The following PLA2G15 variants were observed in gnomAD, a reference collection of about 807,000 sequenced individuals.
PLA2G15 encodes the protein lysosomal phospholipase A and acyltransferase.
In PLA2G15, 20 loss-of-function variants were observed where a neutral mutation model predicts 40.9. The ratio of observed to expected loss-of-function variants is 0.49; its 90% CI spans 0.34 to 0.71. The LOEUF is 0.71. PLA2G15 is among the 30% of genes least tolerant of loss of function. The pLI, the probability that PLA2G15 is intolerant of heterozygous loss-of-function variation, is 0.01. For missense variants in PLA2G15, 471 were observed against 541.9 expected, an observed-to-expected ratio of 0.87 and a Z score of 1.30; for synonymous variants, 223 against 228.2, an observed-to-expected ratio of 0.98 and a Z score of 0.21.
At position 68,255,687 on chromosome 16, in the gene PLA2G15, G is replaced by A. The variant is rs763458324; in HGVS notation, c.503-79G>A. Reference sequence around the variant, plus strand: ...CACCCTCCCCTCCCCCTCTCGTCTTGTGTCTGGCCTGAGAAAAGCTCAGTG... The same window carrying A: ...CACCCTCCCCTCCCCCTCTCGTCTTATGTCTGGCCTGAGAAAAGCTCAGTG... On this transcript the variant is annotated intron_variant, in intron 4 of 5. Coordinates refer to ENST00000219345, the MANE Select transcript of PLA2G15 (RefSeq NM_012320.4). The surrounding 1 kb of genome is among the most constrained non-coding windows in gnomAD (Gnocchi z 5.9). 3.3e-6 allele frequency: 4 copies of A among 1,216,254 alleles called. No homozygotes were observed. The highest frequency in any genetic ancestry group is 4.9e-6 in the Non-Finnish European group (4 of 821,938). 75.3% of individuals were successfully genotyped at this position (1,216,254 alleles called of 1,614,324 possible).
intron 2 of PLA2G15, among the ~76,000 whole-genome samples, chr16:68,253,785 G>T (rs538412026): frequency 6.0e-5 from 9 of 150,684 alleles, no homozygotes; most frequent in Non-Finnish European, 1.3e-4. Context: ...AATATCCCAG[G>T]TGCAAGTCAT....
chr16:68,249,901 A>G (rs1426573683), intron 2 of PLA2G15, among the ~76,000 whole-genome samples: 3 of 151,928 alleles, frequency 2.0e-5, no homozygotes, highest in Non-Finnish European at 4.4e-5. Flanking sequence ...GCTGGTCTTG[A>G]ACTCCTGAGC....
chr16:68,253,853 C>G (rs891292095), intron 2 of PLA2G15, among the ~76,000 whole-genome samples: 1 of 152,076 alleles, frequency 6.6e-6, no homozygotes, highest in African/African-American at 2.4e-5. Context: ...CCATGCCTGG[C>G]TAATTTTTTA....
At chr16:68,250,431 C>T (rs907014812) in intron 2 of PLA2G15, 4 of 218,372 alleles carry the variant, frequency 1.8e-5, no homozygotes, top group South Asian at 8.8e-5. Flanking sequence ...CCACAGTGCC[C>T]GGCTAATTTT....
chr16:68,256,282 C>G, intron 5 of PLA2G15: 1 of 335,984 alleles, frequency 3.0e-6, no homozygotes, highest in Non-Finnish European at 5.5e-6. Context: ...AGCTTATATT[C>G]TGTAGGGAAA....
chr16:68,255,591 T>A lies in PLA2G15; in HGVS notation c.503-175T>A. 1.5e-6 allele frequency: 1 copy of A among 654,870 alleles called. No homozygotes were observed. Among genetic ancestry groups the A allele is most frequent in the Non-Finnish European group, 2.7e-6 (1 of 373,848 alleles). 40.6% of individuals were successfully genotyped at this position (654,870 alleles called of 1,614,324 possible). A position where few individuals can be genotyped will look rare whatever the true frequency, so the allele number is the denominator to read the frequency against. ...CTGGGACCTCTGGGCCTGTGAGCCC[T>A]GGGGAGAAATATAAGGCTTCCTCCC... On this transcript the variant is annotated intron_variant, in intron 4 of 5. Transcript: ENST00000219345. The surrounding 1 kb of genome is among the most constrained non-coding windows in gnomAD (Gnocchi z 5.9).
chr16:68,255,735 C>T lies in PLA2G15; in HGVS notation c.503-31C>T. On this transcript the variant is annotated intron_variant, in intron 4 of 5. Coordinates refer to ENST00000219345, the MANE Select transcript of PLA2G15 (RefSeq NM_012320.4). This position sits in a 1 kb window ranked among gnomAD's most constrained non-coding sequence, Gnocchi z 5.9. The stretch of plus-strand genomic sequence containing the variant: ...GTGGTTCCGGCTCCAGGACCCTTCC[C>T]ACCTGACCCCTGCCTGGCTCTGGCC... The T allele has an allele frequency of 3.1e-6, 5 of 1,588,276 alleles. No homozygotes were observed. The highest frequency in any genetic ancestry group is 4.3e-6 in the Non-Finnish European group (5 of 1,156,522).
In PLA2G15 at chr16:68,245,449, A is replaced by G; in HGVS notation, c.23A>G (p.Tyr8Cys). Reference sequence around the variant, plus strand: ...ACCATGGGCCTCCACCTCCGCCCCTACCGTGTGGGGCTGCTCCCGGATGGC... The same window carrying G: ...ACCATGGGCCTCCACCTCCGCCCCTGCCGTGTGGGGCTGCTCCCGGATGGC... MGLHLRP[Y>C]RVGLLPDGLL... The change falls in exon 1 of 6, where the codon TAC (tyrosine) becomes TGC (cysteine). Residue 8 changes from tyrosine to cysteine, a missense_variant. Transcript: ENST00000219345. 1 of 1,605,624 alleles carries G rather than the reference A, an allele frequency of 6.2e-7. No homozygotes were observed. The highest frequency in any genetic ancestry group is 8.5e-7 in the Non-Finnish European group (1 of 1,179,672).
At chr16:68,247,961 A>G (rs1352026955) in intron 1 of PLA2G15, among the ~76,000 whole-genome samples, 2 of 152,204 alleles carry the variant, frequency 1.3e-5, no homozygotes, top group Non-Finnish European at 2.9e-5. Context: ...TTTGGGTGTC[A>G]CCAGGGCCCC....
At chr16:68,253,986 G>GC (rs1414136882) in intron 2 of PLA2G15, among the ~76,000 whole-genome samples, 1 of 152,114 alleles carries the variant, frequency 6.6e-6, no homozygotes, top group African/African-American at 2.4e-5. Flanking sequence ...ACTGCACCCG[G>GC]CCCCTGTCTG....
At position 68,249,396 on chromosome 16, in the gene PLA2G15, C is replaced by G. The variant is rs2042335817; in HGVS notation, c.234C>G (p.Asn78Lys). 2 of 1,614,152 alleles carry G rather than the reference C, an allele frequency of 1.2e-6. No individual in the cohort carries two copies. The highest frequency in any genetic ancestry group is 1.6e-4 in the Middle Eastern group (1 of 6,062). The change falls in exon 2 of 6, where the codon AAC (asparagine) becomes AAG (lysine). Residue 78 changes from asparagine (N) to lysine (K), a missense_variant. Transcript: ENST00000219345. ...KTESYFTIWL[N>K]LELLLPVIID... ...AAAGCTACTTCACAATCTGGCTGAA[C>G]CTGGAACTGCTGCTGCCTGTCATCA...
At position 68,259,429 on chromosome 16, in the gene PLA2G15, C is replaced by A; in HGVS notation, c.1011C>A (p.Pro337=). The A allele has an allele frequency of 6.2e-7, 1 of 1,613,882 alleles. No individual in the cohort carries two copies. Among genetic ancestry groups the A allele is most frequent in the Non-Finnish European group, 8.5e-7 (1 of 1,179,942 alleles). Residue 337 remains proline (P), a synonymous_variant, in exon 6 of 6, where the codon CCC becomes CCA. Transcript: ENST00000219345. The surrounding 1 kb of genome is among the most constrained non-coding windows in gnomAD (Gnocchi z 6.5). ...ACTGCCTCTATGGTACTGGCGTCCC[C>A]ACACCAGACTCCTTCTACTATGAGA... The part of the protein sequence containing the change: ...QLHCLYGTGV[P]TPDSFYYESF...
At chr16:68,250,259 C>G (rs775746183) in intron 2 of PLA2G15, 11 of 355,938 alleles carry the variant, frequency 3.1e-5, no homozygotes, top group South Asian at 2.1e-4. Flanking sequence ...CGGCTCACAA[C>G]TCTTTTTTTT....
chr16:68,254,730 C>G (rs1188568831), intron 2 of PLA2G15, 189 bp from the exon 3 acceptor site: 1 of 554,090 alleles, frequency 1.8e-6, no homozygotes, highest in African/African-American at 1.9e-5. Flanking sequence ...CCACCTCAGC[C>G]TCCCTAAGTG....
rs1805560903 is a variant in PLA2G15 at position 68,245,619 on chromosome 16, C to T, written c.127+66C>T. On this transcript the variant is annotated intron_variant, in intron 1 of 5. Coordinates refer to ENST00000219345, the MANE Select transcript of PLA2G15 (RefSeq NM_012320.4). The stretch of plus-strand genomic sequence containing the variant: ...GACGGGCCGCGGGCGGGGCTGCCTT[C>T]CCGGTCTGCTTCTGTTCCAGTCACG... The T allele has an allele frequency of 5.3e-6, 8 of 1,510,246 alleles. No individual in the cohort carries two copies. The Admixed American group carries it at 1.2e-4, about 22-fold the overall frequency. 93.6% of individuals were successfully genotyped at this position (1,510,246 alleles called of 1,614,324 possible).
intron 2 of PLA2G15, chr16:68,254,316 TTTA>T (rs2042382387): frequency 5.6e-5 from 7 of 125,058 alleles, no homozygotes; most frequent in East Asian, 2.0e-4. Flanking sequence ...TTTATTTTTA[TTTA>T]TTTATTTATT....
rs1007937774 is a variant in PLA2G15, at chr16:68,247,821, C to G, written c.128-1469C>G. ...GAGAGCCAAGTGCTGGTTTTTCACT[C>G]AATGATCATGGACCCTAAACGGGGA... On this transcript the variant is annotated intron_variant, in intron 1 of 5. Transcript: ENST00000219345. Among the ~76,000 whole-genome samples the G allele has an allele frequency of 3.9e-5, 6 of 152,368 alleles. 1 individual carries two copies. The Middle Eastern group carries it at 0.02, about 518-fold the overall frequency.
intron 5 of PLA2G15, among the ~76,000 whole-genome samples, chr16:68,257,142 C>T (rs1047883936): frequency 2.6e-5 from 4 of 152,132 alleles, no homozygotes; most frequent in African/African-American, 7.2e-5. Context: ...CTGCCTCAGC[C>T]TCCCAAAGTG....
In PLA2G15 at chr16:68,260,688, A is replaced by G. The variant is rs1274832436; in HGVS notation, c.*1031A>G. The G allele has an allele frequency of 1.3e-5, 2 of 152,306 alleles. No homozygotes were observed. The highest frequency in any genetic ancestry group is 3.9e-4 in the East Asian group (2 of 5,188). The allele number at this position is 152,306 out of a possible 1,614,324, so 9.4% of individuals were successfully genotyped here. A position where few individuals can be genotyped will look rare whatever the true frequency, so the allele number is the denominator to read the frequency against. Reference sequence around the variant, plus strand: ...CAGCTTAGTGCTGGGACTAGCCCAGAAACTTGAATGGGACCCTGAGAGAGC... The same window carrying G: ...CAGCTTAGTGCTGGGACTAGCCCAGGAACTTGAATGGGACCCTGAGAGAGC... On this transcript the variant is annotated 3_prime_UTR_variant, in exon 6 of 6. Transcript: ENST00000219345.
Sources: allele counts gnomAD v4.1 joint callset (sites outside exome capture counted in the v4.1 genomes callset), GRCh38; gene constraint gnomAD v4.1.1; non-coding constraint Gnocchi (gnomAD v3.1); transcripts MANE v1.5; gene names NCBI Gene and HGNC (gene_info 2026-07-23, HGNC 2026-07-21).